Variants in FLVCR2 observed in about 807,000 individuals in gnomAD.
FLVCR2 encodes the protein choline/ethanolamine transporter FLVCR2.
In FLVCR2, 38 loss-of-function variants were observed where a neutral mutation model predicts 48.9. The observed-to-expected ratio is 0.78, with a 90% CI of 0.60 to 1.02. The LOEUF (loss-of-function observed/expected upper bound fraction) is 1.02. Ranked by LOEUF, FLVCR2 falls within the 50% of genes least tolerant of loss-of-function variation. The pLI is 0.00. For missense variants in FLVCR2, 664 were observed against 663.3 expected, an observed-to-expected ratio of 1.00 and a Z score of -0.01; for synonymous variants, 255 against 257.0, an observed-to-expected ratio of 0.99 and a Z score of 0.07.
At chr14:75,619,466 C>T (rs755812992) in intron 1 of FLVCR2, among the ~76,000 whole-genome samples, 4 of 151,058 alleles carry the variant, frequency 2.6e-5, no homozygotes, top group African/African-American at 4.9e-5. Context: ...TTTCCACCAA[C>T]GTTCATCTGC....
intron 1 of FLVCR2, 94 bp downstream of exon 1, chr14:75,579,735 C>A: frequency 1.4e-6 from 2 of 1,387,486 alleles, no homozygotes; most frequent in Non-Finnish European, 1.0e-6. Flanking sequence ...GATTGTCCAA[C>A]AGTGTTTGTG....
chr14:75,635,630 C>T (rs574236145), intron 5 of FLVCR2, among the ~76,000 whole-genome samples: 23 of 152,038 alleles, frequency 1.5e-4, no homozygotes, highest in East Asian at 1.4e-3. Flanking sequence ...TTTGGGAGGC[C>T]GAGGCAGGAG....
chr14:75,581,531 AG>A (rs1888605883), intron 1 of FLVCR2, among the ~76,000 whole-genome samples: 1 of 152,136 alleles, frequency 6.6e-6, no homozygotes, highest in African/African-American at 2.4e-5. Flanking sequence ...CCACTAGTAA[AG>A]GCTGGTCCGT....
intron 3 of FLVCR2, chr14:75,632,640 A>G (rs966839029): frequency 1.3e-5 from 9 of 702,210 alleles, no homozygotes; most frequent in Non-Finnish European, 2.3e-5. Flanking sequence ...GGAACTCCTG[A>G]GGCTGCCCTG....
chr14:75,640,227 C>G (rs565757771), intron 6 of FLVCR2, among the ~76,000 whole-genome samples: 5 of 146,824 alleles, frequency 3.4e-5, no homozygotes, highest in Admixed American at 1.4e-4. Context: ...CTACTGCACT[C>G]CAGCCTGGGA....
rs560405639 is a variant in FLVCR2 at position 75,618,885 on chromosome 14, GT to G, written c.670-3178del. The stretch of plus-strand genomic sequence containing the variant: ...CCTGGGCAGGGTGCTGAGCAGCAGG[GT>G]TTTTTTTTTTTTTTTGCCCTCTCTC... On this transcript the variant is annotated intron_variant, in intron 1 of 9. Coordinates refer to ENST00000238667, the MANE Select transcript of FLVCR2 (RefSeq NM_017791.3). Among the ~76,000 whole-genome samples the G allele has an allele frequency of 4.0e-3, 532 of 134,520 alleles. 2 individuals are homozygous for G. The highest frequency in any genetic ancestry group is 5.7e-3 in the African/African-American group (208 of 36,626). 88.3% of individuals were successfully genotyped at this position (134,520 alleles called of 152,430 possible). A position where few individuals can be genotyped will look rare whatever the true frequency, so the allele number is the denominator to read the frequency against.
intron 1 of FLVCR2, among the ~76,000 whole-genome samples, chr14:75,617,266 C>A (rs901599803): frequency 1.3e-5 from 2 of 152,146 alleles, no homozygotes; most frequent in African/African-American, 4.8e-5. Context: ...CAAAGTATGG[C>A]TTCTCCCTGT....
In FLVCR2 at chr14:75,634,945, G is replaced by C. The variant is rs149377606; in HGVS notation, c.1056G>C (p.Thr352=). 2.4e-5 allele frequency: 38 copies of C among 1,613,910 alleles called. No individual in the cohort carries two copies. The highest frequency in any genetic ancestry group is 3.1e-5 in the Non-Finnish European group (36 of 1,179,954). ...TGAATGCTGGAAGAATTGGCCTGAC[G>C]ATCGTCATTGCAGGAATGCTTGGGG... The part of the protein sequence containing the change: ...EEVNAGRIGL[T]IVIAGMLGAV... The change falls in exon 5 of 10, where the codon ACG becomes ACC. Residue 352 remains threonine, a synonymous_variant. Coordinates refer to ENST00000238667, the MANE Select transcript of FLVCR2 (RefSeq NM_017791.3).
At chr14:75,605,953 G>A in intron 1 of FLVCR2, 2 of 355,148 alleles carry the variant, frequency 5.6e-6, no homozygotes, top group South Asian at 6.2e-5. Flanking sequence ...CTGTCTGTAT[G>A]CAAGTCTATT....
chr14:75,646,282 G>A (rs1890419225), intron 9 of FLVCR2, 119 bp from the exon 10 acceptor site: 1 of 722,466 alleles, frequency 1.4e-6, no homozygotes, highest in Non-Finnish European at 2.5e-6. Context: ...TCTCTGGGAT[G>A]CTGAGTGGCC....
Position 75,643,081 on chromosome 14 carries a change from C to G in FLVCR2, c.1509+1183C>G, listed in dbSNP as rs1890340142. 1.3e-5 allele frequency among the ~76,000 whole-genome samples: 2 copies of G among 152,190 alleles called. 1 individual carries two copies. Among genetic ancestry groups the G allele is most frequent in the Admixed American group, 1.3e-4 (2 of 15,288 alleles). On this transcript the variant is annotated intron_variant, in intron 9 of 9. Coordinates refer to ENST00000238667, the MANE Select transcript of FLVCR2 (RefSeq NM_017791.3). ...TTCACCATGTTGGCCAGTCTGGTCT[C>G]AAACTCCTGACCTCAAATGACCCAC...
intron 1 of FLVCR2, chr14:75,605,809 A>C: frequency 3.3e-6 from 2 of 607,066 alleles, no homozygotes; most frequent in Non-Finnish European, 5.8e-6. Context: ...TCCGGAAAAG[A>C]GGGACACAGA....
Position 75,633,623 on chromosome 14 carries a change from C to A in FLVCR2, c.953-6C>A. The A allele has an allele frequency of 6.2e-7, 1 of 1,613,158 alleles. No individual in the cohort carries two copies. Among genetic ancestry groups the A allele is most frequent in the Non-Finnish European group, 8.5e-7 (1 of 1,179,058 alleles). On this transcript the variant is annotated splice_region_variant and splice_polypyrimidine_tract_variant and intron_variant, in intron 3 of 9. Transcript: ENST00000238667. Reference sequence around the variant, plus strand: ...CTAATGTTGTATTTCTCGCTCCCTTCTTCAGGTCTGAATGCTGGTGCTTTT... The same window carrying A: ...CTAATGTTGTATTTCTCGCTCCCTTATTCAGGTCTGAATGCTGGTGCTTTT...
intron 1 of FLVCR2, among the ~76,000 whole-genome samples, chr14:75,621,025 T>C (rs747471744): frequency 1.3e-5 from 2 of 152,214 alleles, no homozygotes; most frequent in Non-Finnish European, 2.9e-5. Context: ...CTCAATATTA[T>C]GTGCAGCAGA....
chr14:75,621,562 G>A (rs898576315), intron 1 of FLVCR2, among the ~76,000 whole-genome samples: 4 of 152,126 alleles, frequency 2.6e-5, no homozygotes, highest in African/African-American at 4.8e-5. Context: ...AAGTTACTAC[G>A]TTATTCACAC....
chr14:75,590,331 C>T (rs1240650094), intron 1 of FLVCR2, among the ~76,000 whole-genome samples: 1 of 152,220 alleles, frequency 6.6e-6, no homozygotes, highest in Non-Finnish European at 1.5e-5. Flanking sequence ...CAACACTGCT[C>T]TATTGAGAAT....
chr14:75,634,020 T>C (rs535164675), intron 4 of FLVCR2, among the ~76,000 whole-genome samples: 3 of 152,282 alleles, frequency 2.0e-5, no homozygotes, highest in Admixed American at 1.3e-4. Context: ...CGCTTGTGTA[T>C]GTATACATAA....
At chr14:75,605,643 T>C (rs1889272353) in intron 1 of FLVCR2, 6 of 1,535,590 alleles carry the variant, frequency 3.9e-6, no homozygotes, top group Non-Finnish European at 5.2e-6. Flanking sequence ...AGATCTTACT[T>C]CCTTCCCAAC....
chr14:75,624,459 A>G (rs917225585), intron 2 of FLVCR2, among the ~76,000 whole-genome samples, 153 bp from the exon 3 acceptor site: 1 of 152,222 alleles, frequency 6.6e-6, no homozygotes, highest in African/African-American at 2.4e-5. Flanking sequence ...AGCTTCAAGA[A>G]GGGGGCTGTT....
Sources: allele counts gnomAD v4.1 joint callset (sites outside exome capture counted in the v4.1 genomes callset), GRCh38; gene constraint gnomAD v4.1.1; transcripts MANE v1.5; gene names NCBI Gene and HGNC (gene_info 2026-07-23, HGNC 2026-07-21).